The following PIKFYVE variants were observed in gnomAD, a reference collection of about 807,000 sequenced individuals.
PIKFYVE encodes the protein 1-phosphatidylinositol 3-phosphate 5-kinase.
In PIKFYVE, 122 loss-of-function variants were observed where a neutral mutation model predicts 257.9. The ratio of observed to expected loss-of-function variants is 0.47; its 90% confidence interval spans 0.41 to 0.55. PIKFYVE has a LOEUF of 0.55. Ranked by LOEUF, PIKFYVE falls within the 20% of genes least tolerant of loss-of-function variation. The probability of loss-of-function intolerance (pLI) is 0.00; values close to 1 mark genes in which losing one functional copy is unlikely to be tolerated. For missense variants in PIKFYVE, 2,160 were observed against 2,536.6 expected (o/e 0.85, Z 3.19); for synonymous variants, 892 against 868.9 (o/e 1.03, Z -0.47).
chr2:208,270,111 G>A (rs903475155), intron 1 of PIKFYVE, among the ~76,000 whole-genome samples: 4 of 147,838 alleles, frequency 2.7e-5, no homozygotes, highest in Admixed American at 6.9e-5. Flanking sequence ...TGGCGTGATC[G>A]GCTCGCTGTA....
intron 24 of PIKFYVE, among the ~76,000 whole-genome samples, chr2:208,333,840 A>G (rs556630351): frequency 1.3e-5 from 2 of 152,124 alleles, no homozygotes; most frequent in Admixed American, 6.5e-5. Context: ...ATGAGACAGG[A>G]TCTCACTGTT....
intron 7 of PIKFYVE, among the ~76,000 whole-genome samples, chr2:208,289,932 A>G (rs899747207): frequency 6.6e-6 from 1 of 152,176 alleles, no homozygotes; most frequent in African/African-American, 2.4e-5. Context: ...TAAGTTGCAG[A>G]CATCATTATC....
rs757665246 is a variant in PIKFYVE, at chr2:208,274,051, C to T, written c.322+318C>T. ...AGTTTGCAACATCCCCAGGAGAACACAGGTTAGTTTCCACTTTGTGAATGA... is the reference window on the plus strand; with the variant it reads ...AGTTTGCAACATCCCCAGGAGAACATAGGTTAGTTTCCACTTTGTGAATGA... On this transcript the variant is annotated intron_variant, in intron 3 of 41. Coordinates refer to ENST00000264380, the MANE Select transcript of PIKFYVE (RefSeq NM_015040.4). 11 of 1,611,818 alleles carry T rather than the reference C, an allele frequency of 6.8e-6. No homozygotes were observed. The South Asian group carries it at 1.1e-4, about 16-fold the overall frequency.
At chr2:208,311,689 A>T (rs945553419) in intron 12 of PIKFYVE, among the ~76,000 whole-genome samples, 1 of 152,202 alleles carries the variant, frequency 6.6e-6, no homozygotes, top group African/African-American at 2.4e-5. Flanking sequence ...AAAAACACTT[A>T]TTTGGAACTA....
chr2:208,319,079 G>A (rs898892038), intron 16 of PIKFYVE, among the ~76,000 whole-genome samples: 4 of 152,092 alleles, frequency 2.6e-5, no homozygotes, highest in African/African-American at 4.8e-5. Context: ...AATCACCAGC[G>A]GAAACATTCA....
intron 35 of PIKFYVE, among the ~76,000 whole-genome samples, chr2:208,349,521 TTA>T (rs1051324598): frequency 5.3e-5 from 8 of 149,870 alleles, no homozygotes; most frequent in South Asian, 2.1e-4. Context: ...TGTTATATAA[TTA>T]TATATGTTAT....
intron 3 of PIKFYVE, among the ~76,000 whole-genome samples, chr2:208,276,341 CT>C (rs1690104148): frequency 6.6e-6 from 1 of 152,128 alleles, no homozygotes; most frequent in African/African-American, 2.4e-5. Flanking sequence ...TCCTTGATTG[CT>C]TTTTCTTCTG....
Position 208,277,705 on chromosome 2 carries a change from A to G in PIKFYVE, c.610A>G (p.Thr204Ala), listed in dbSNP as rs1204616491. The change falls in exon 5 of 42, where the codon ACA becomes GCA. Residue 204 changes from threonine (T) to alanine (A), a missense_variant. This residue lies in a region of PIKFYVE where 187 missense variants were observed against 185.6 expected (regional missense o/e 1.01). Transcript: ENST00000264380. ...AATCCCTGGAAAATTTATGGGCTAT[A>G]CAGGTAAATGCATTTTATTGCCAGT... The part of the protein sequence containing the change: ...QEIPGKFMGY[T>A]GDLRACTYCR... 6.2e-7 allele frequency: 1 copy of G among 1,613,662 alleles called. No homozygotes were observed. Among genetic ancestry groups the G allele is most frequent in the South Asian group, 1.1e-5 (1 of 91,076 alleles).
At chr2:208,345,286 C>A in intron 33 of PIKFYVE, 92 bp downstream of exon 33, 1 of 1,111,444 alleles carries the variant, frequency 9.0e-7, no homozygotes, top group Non-Finnish European at 1.3e-6. Flanking sequence ...CATTTATCAT[C>A]ATAAAAATTT....
Position 208,352,649 on chromosome 2 carries a change from A to AT in PIKFYVE, c.5716-3dup. The AT allele has an allele frequency of 1.9e-6, 3 of 1,613,310 alleles. No homozygotes were observed. Among genetic ancestry groups the AT allele is most frequent in the Non-Finnish European group, 2.5e-6 (3 of 1,179,574 alleles). Reference sequence around the variant, plus strand: ...AAGAATTTATTTTGACCTTCTCTTGATTAGAGGCCCACGGCGTTGGCCAAA... The same window carrying AT: ...AAGAATTTATTTTGACCTTCTCTTGATTTAGAGGCCCACGGCGTTGGCCAAA... On this transcript the variant is annotated splice_polypyrimidine_tract_variant and splice_region_variant and intron_variant, in intron 38 of 41. Coordinates refer to ENST00000264380, the MANE Select transcript of PIKFYVE (RefSeq NM_015040.4).
At chr2:208,276,212 T>A (rs1287659824) in intron 3 of PIKFYVE, among the ~76,000 whole-genome samples, 2 of 152,222 alleles carry the variant, frequency 1.3e-5, no homozygotes, top group East Asian at 3.9e-4. Flanking sequence ...CTATTAAACT[T>A]CTTTCTGATC....
At chr2:208,286,733 C>T (rs942412329) in intron 6 of PIKFYVE, among the ~76,000 whole-genome samples, 18 of 151,468 alleles carry the variant, frequency 1.2e-4, no homozygotes, top group African/African-American at 4.4e-4. Flanking sequence ...GTTGACCAGG[C>T]TGTCTTGAAC....
intron 23 of PIKFYVE, among the ~76,000 whole-genome samples, chr2:208,332,743 A>G (rs1020248125): frequency 2.6e-5 from 4 of 152,052 alleles, no homozygotes; most frequent in Non-Finnish European, 5.9e-5. Flanking sequence ...CCATGTATGT[A>G]TGTATATATG....
At chr2:208,312,667 A>G (rs1002472263) in intron 13 of PIKFYVE, among the ~76,000 whole-genome samples, 9 of 152,260 alleles carry the variant, frequency 5.9e-5, no homozygotes, top group Non-Finnish European at 1.3e-4. Flanking sequence ...CCACAGGCAG[A>G]TCTCCAGTTA....
chr2:208,300,172 CAGAA>C (rs1341219460), intron 8 of PIKFYVE, among the ~76,000 whole-genome samples: 1 of 151,926 alleles, frequency 6.6e-6, no homozygotes, highest in African/African-American at 2.4e-5. Flanking sequence ...TTCAAAAAAA[CAGAA>C]AGCTCATTAC....
chr2:208,269,097 T>G (rs891590813), intron 1 of PIKFYVE, among the ~76,000 whole-genome samples: 2 of 152,180 alleles, frequency 1.3e-5, no homozygotes, highest in African/African-American at 2.4e-5. Flanking sequence ...TGTGTGTGCC[T>G]TCCAGGATTG....
chr2:208,325,162 C>T, intron 19 of PIKFYVE, 108 bp from the exon 20 acceptor site: 2 of 1,562,448 alleles, frequency 1.3e-6, no homozygotes, highest in Non-Finnish European at 1.8e-6. Flanking sequence ...TGATCTTATT[C>T]ATGTAAGAGT....
chr2:208,341,215 C>T (rs756610555), intron 31 of PIKFYVE, among the ~76,000 whole-genome samples: 25 of 152,052 alleles, frequency 1.6e-4, no homozygotes, highest in Non-Finnish European at 3.1e-4. Flanking sequence ...ACCATATTGG[C>T]CAGGCTGCTC....
At chr2:208,291,251 C>T (rs530741471) in intron 7 of PIKFYVE, among the ~76,000 whole-genome samples, 4 of 152,174 alleles carry the variant, frequency 2.6e-5, no homozygotes, top group East Asian at 1.9e-4. Context: ...GTATCAATGA[C>T]ATGATTACAT....
Sources: allele counts gnomAD v4.1 joint callset (sites outside exome capture counted in the v4.1 genomes callset), GRCh38; gene constraint gnomAD v4.1.1; regional missense constraint gnomAD v4.1.1; transcripts MANE v1.5; gene names NCBI Gene and HGNC (gene_info 2026-07-23, HGNC 2026-07-21).